The following LRRC4C variants were observed in gnomAD, a reference collection of about 807,000 sequenced individuals.
LRRC4C encodes leucine-rich repeat-containing protein 4C.
A neutral mutation model predicts 33.6 loss-of-function variants in LRRC4C; 5 were observed. The observed-to-expected ratio is 0.15, with a 90% CI of 0.08 to 0.31. The LOEUF (loss-of-function observed/expected upper bound fraction) is 0.31, where lower values mean the gene tolerates loss of function less well. LRRC4C is among the 10% of genes least tolerant of loss of function. LRRC4C has a pLI of 1.00. For missense variants in LRRC4C, 560 were observed against 796.7 expected (o/e 0.70, Z 3.58); for synonymous variants, 329 against 302.0 (o/e 1.09, Z -0.93).
intron 1 of LRRC4C, among the ~76,000 whole-genome samples, chr11:41,439,082 A>G (rs751737782): frequency 1.3e-5 from 2 of 152,166 alleles, no homozygotes; most frequent in Non-Finnish European, 2.9e-5. Flanking sequence ...GGAGTCTCCA[A>G]TGTCTATTAT....
chr11:41,284,108 A>T (rs1949750450), intron 1 of LRRC4C, among the ~76,000 whole-genome samples: 1 of 152,218 alleles, frequency 6.6e-6, no homozygotes, highest in Non-Finnish European at 1.5e-5. Flanking sequence ...CTTTCACATA[A>T]AAACTGTCTG....
Position 40,556,661 on chromosome 11 carries a change from C to T in LRRC4C, c.-270+91481G>A, listed in dbSNP as rs184379524. On this transcript the variant is annotated intron_variant, in intron 3 of 6. Coordinates refer to ENST00000528697, the MANE Select transcript of LRRC4C (RefSeq NM_001258419.2). ...CAGGCAGTTCTGGCTCTCTCTGGGG[C>T]TGTATCACTCTGCCATAAAGAGTTG... 9.9e-5 allele frequency among the ~76,000 whole-genome samples: 15 copies of T among 152,232 alleles called. No homozygotes were observed. The East Asian group carries it at 2.1e-3, about 22-fold the overall frequency.
At chr11:41,228,127 CCTAT>C (rs1318671399) in intron 1 of LRRC4C, among the ~76,000 whole-genome samples, 1 of 151,384 alleles carries the variant, frequency 6.6e-6, no homozygotes, top group Non-Finnish European at 1.5e-5. Flanking sequence ...CTATCTATCA[CCTAT>C]CTTTCTATCT....
At chr11:41,121,562 AG>A (rs1942432465) in intron 1 of LRRC4C, among the ~76,000 whole-genome samples, 1 of 152,230 alleles carries the variant, frequency 6.6e-6, no homozygotes, top group African/African-American at 2.4e-5. Context: ...ATTAAATGTT[AG>A]ATAATTCAAC....
At chr11:40,555,500 C>T (rs1161380981) in intron 3 of LRRC4C, among the ~76,000 whole-genome samples, 3 of 152,164 alleles carry the variant, frequency 2.0e-5, no homozygotes, top group Admixed American at 6.6e-5. Flanking sequence ...CTTTTATGAA[C>T]CTTTCTTGCT....
chr11:41,086,483 A>C (rs1253763499), intron 1 of LRRC4C, among the ~76,000 whole-genome samples: 1 of 152,162 alleles, frequency 6.6e-6, no homozygotes, highest in East Asian at 1.9e-4. Context: ...TTAATTTTTA[A>C]ATATTTTAAG....
chr11:40,740,794 T>G (rs1364823124), intron 2 of LRRC4C, among the ~76,000 whole-genome samples: 1 of 152,060 alleles, frequency 6.6e-6, no homozygotes, highest in Non-Finnish European at 1.5e-5. Flanking sequence ...TGATTCACTT[T>G]GAGCTGATTT....
chr11:40,481,026 A>T (rs2138403264), intron 3 of LRRC4C, among the ~76,000 whole-genome samples: 1 of 152,116 alleles, frequency 6.6e-6, no homozygotes, highest in South Asian at 2.1e-4. Context: ...GTCTATAGTT[A>T]ATAACACTAT....
intron 3 of LRRC4C, among the ~76,000 whole-genome samples, chr11:40,588,617 G>A (rs1958879319): frequency 6.6e-6 from 1 of 151,650 alleles, no homozygotes; most frequent in Middle Eastern, 3.2e-3. Flanking sequence ...GGTATTTAGT[G>A]CTATAAATTT....
chr11:40,803,706 C>T (rs1951134919), intron 2 of LRRC4C, among the ~76,000 whole-genome samples: 1 of 152,102 alleles, frequency 6.6e-6, no homozygotes, highest in Admixed American at 6.6e-5. Context: ...ATCTCCTGAC[C>T]TCGTGGTCCA....
At chr11:40,354,486 C>A (rs527353099) in intron 3 of LRRC4C, among the ~76,000 whole-genome samples, 69 of 152,112 alleles carry the variant, frequency 4.5e-4, no homozygotes, top group Non-Finnish European at 7.6e-4. Flanking sequence ...GGCCTGTACT[C>A]GGGAAACTAA....
At chr11:41,321,697 AAGTT>A (rs1195224513) in intron 1 of LRRC4C, among the ~76,000 whole-genome samples, 4 of 152,170 alleles carry the variant, frequency 2.6e-5, no homozygotes, top group South Asian at 2.1e-4. Flanking sequence ...TATGAGAAGA[AAGTT>A]AGGCCTAGAG....
At chr11:40,772,492 C>T (rs1017813083) in intron 2 of LRRC4C, among the ~76,000 whole-genome samples, 1 of 152,144 alleles carries the variant, frequency 6.6e-6, no homozygotes, top group Non-Finnish European at 1.5e-5. Flanking sequence ...TCAAACAACT[C>T]AATAGAAAAT....
At chr11:40,340,300 T>G (rs747149582) in intron 3 of LRRC4C, among the ~76,000 whole-genome samples, 8 of 152,164 alleles carry the variant, frequency 5.3e-5, no homozygotes, top group African/African-American at 1.9e-4. Flanking sequence ...CAACAGGCCA[T>G]GTACAGTTCA....
intron 2 of LRRC4C, among the ~76,000 whole-genome samples, chr11:40,874,517 T>A (rs1159907349): frequency 6.6e-6 from 1 of 152,214 alleles, no homozygotes; most frequent in African/African-American, 2.4e-5. Flanking sequence ...TGATGTCACA[T>A]CATGCCTCCC....
chr11:40,798,974 A>C, intron 2 of LRRC4C, among the ~76,000 whole-genome samples: 1 of 152,088 alleles, frequency 6.6e-6, no homozygotes, highest in East Asian at 1.9e-4. Context: ...ATCCTTCCAT[A>C]AATTTTGTAT....
chr11:41,230,379 C>T (rs1947731413), intron 1 of LRRC4C, among the ~76,000 whole-genome samples: 1 of 152,000 alleles, frequency 6.6e-6, no homozygotes, highest in African/African-American at 2.4e-5. Context: ...AAACTAGAAA[C>T]CATTGATAAT....
intron 2 of LRRC4C, among the ~76,000 whole-genome samples, chr11:40,875,769 C>T (rs539771469): frequency 1.3e-5 from 2 of 152,136 alleles, no homozygotes; most frequent in South Asian, 2.1e-4. Context: ...GCAGGTGGGA[C>T]GGTTTCGGGA....
intron 3 of LRRC4C, among the ~76,000 whole-genome samples, chr11:40,340,202 G>A (rs987008470): frequency 6.6e-6 from 1 of 151,988 alleles, no homozygotes; most frequent in African/African-American, 2.4e-5. Flanking sequence ...AAAAACTAGG[G>A]CTAAAGCAAA....
Sources: allele counts gnomAD v4.1 joint callset (sites outside exome capture counted in the v4.1 genomes callset), GRCh38; gene constraint gnomAD v4.1.1; transcripts MANE v1.5; gene names NCBI Gene and HGNC (gene_info 2026-07-23, HGNC 2026-07-21).